CNKSR3: variants seen among roughly 807,000 people sequenced by gnomAD.
The protein encoded by CNKSR3 is connector enhancer of kinase suppressor of ras 3.
In CNKSR3, 36 loss-of-function variants were observed where a neutral mutation model predicts 67.7. That is an observed-to-expected ratio of 0.53 (90% confidence interval 0.41 to 0.70). CNKSR3 has a LOEUF of 0.70. Among genes scored for constraint, CNKSR3 ranks in the 30% least tolerant of loss-of-function variants. CNKSR3 has a pLI of 0.00. For missense variants in CNKSR3, 630 were observed against 695.2 expected (o/e 0.91, Z 1.05); for synonymous variants, 281 against 271.4 (o/e 1.04, Z -0.35).
intron 1 of CNKSR3, among the ~76,000 whole-genome samples, chr6:154,467,264 G>A (rs1204567673): frequency 6.6e-6 from 1 of 152,042 alleles, no homozygotes; most frequent in Non-Finnish European, 1.5e-5. Flanking sequence ...GCACGGCACT[G>A]CCAACAATAT....
At chr6:154,448,974 A>G (rs1489546208) in intron 2 of CNKSR3, among the ~76,000 whole-genome samples, 2 of 152,154 alleles carry the variant, frequency 1.3e-5, no homozygotes, top group African/African-American at 4.8e-5. Context: ...AGTTAAGTAA[A>G]CTGCATCTTT....
chr6:154,409,619 G>A (rs536618004), intron 12 of CNKSR3, among the ~76,000 whole-genome samples: 2 of 152,306 alleles, frequency 1.3e-5, no homozygotes, highest in South Asian at 2.1e-4. Flanking sequence ...TCAGGAAGCT[G>A]AAGTGGGAGG....
intron 2 of CNKSR3, 137 bp downstream of exon 2, chr6:154,449,958 A>G (rs903810134): frequency 3.5e-6 from 3 of 858,248 alleles, no homozygotes; most frequent in African/African-American, 3.4e-5. Flanking sequence ...CCCTTCCTAT[A>G]GTATCTTCAG....
intron 9 of CNKSR3, among the ~76,000 whole-genome samples, chr6:154,415,111 A>ACC (rs1784993357): frequency 6.6e-6 from 1 of 150,480 alleles, no homozygotes; most frequent in African/African-American, 2.4e-5. Context: ...AAAAAAAAAA[A>ACC]AAAAAAAAAA....
At chr6:154,436,531 GT>G (rs1160940094) in intron 4 of CNKSR3, among the ~76,000 whole-genome samples, 2 of 151,578 alleles carry the variant, frequency 1.3e-5, no homozygotes, top group Non-Finnish European at 2.9e-5. Flanking sequence ...TTTTTTTGTT[GT>G]TGTTAAGATA....
intron 1 of CNKSR3, among the ~76,000 whole-genome samples, chr6:154,489,534 AC>A (rs1786742256): frequency 2.2e-5 from 1 of 45,964 alleles, no homozygotes; most frequent in Non-Finnish European, 7.0e-5. Flanking sequence ...CCATCTCAAA[AC>A]AAACAAACAA....
At chr6:154,501,318 C>T (rs1407255448) in intron 1 of CNKSR3, among the ~76,000 whole-genome samples, 1 of 152,204 alleles carries the variant, frequency 6.6e-6, no homozygotes, top group Non-Finnish European at 1.5e-5. Context: ...AAAACCCTGA[C>T]TGATCTTTCA....
chr6:154,471,263 G>T (rs9383710), intron 1 of CNKSR3, among the ~76,000 whole-genome samples: 69,229 of 151,992 alleles, frequency 0.46, 17,767 homozygotes, highest in Non-Finnish European at 0.57. Flanking sequence ...TGTGTTGCTT[G>T]CCATAAATAG....
intron 9 of CNKSR3, 21 bp from the exon 10 acceptor site, chr6:154,414,444 C>CAATG: frequency 6.4e-7 from 1 of 1,569,474 alleles, no homozygotes; most frequent in Middle Eastern, 1.7e-4. Context: ...AGTAACACAG[C>CAATG]AATGCAAAGA....
chr6:154,463,063 C>T (rs1438352580), intron 1 of CNKSR3, among the ~76,000 whole-genome samples: 3 of 151,890 alleles, frequency 2.0e-5, no homozygotes, highest in African/African-American at 4.8e-5. Context: ...GTATTCTTTC[C>T]GGTGAACCTG....
chr6:154,412,672 A>C (rs562465741), intron 10 of CNKSR3, among the ~76,000 whole-genome samples: 1 of 152,326 alleles, frequency 6.6e-6, no homozygotes, highest in African/African-American at 2.4e-5. Flanking sequence ...CCAAGACTCA[A>C]GGAAATGGAA....
At chr6:154,499,895 C>A (rs1786948205) in intron 1 of CNKSR3, among the ~76,000 whole-genome samples, 1 of 152,196 alleles carries the variant, frequency 6.6e-6, no homozygotes. Flanking sequence ...CAAACCACTT[C>A]AAACCATGTG....
chr6:154,425,769 T>C (rs914472709), intron 7 of CNKSR3, among the ~76,000 whole-genome samples: 4 of 152,228 alleles, frequency 2.6e-5, no homozygotes, highest in African/African-American at 9.6e-5. Flanking sequence ...AAGTCCAAGA[T>C]TGAAGAATAT....
intron 1 of CNKSR3, among the ~76,000 whole-genome samples, chr6:154,508,994 C>A (rs934584193): frequency 1.3e-5 from 2 of 152,156 alleles, no homozygotes; most frequent in Non-Finnish European, 2.9e-5. Flanking sequence ...CTGTGATGAC[C>A]AAGGACAATA....
At chr6:154,427,118 A>G (rs1785272468) in intron 7 of CNKSR3, among the ~76,000 whole-genome samples, 1 of 152,108 alleles carries the variant, frequency 6.6e-6, no homozygotes, top group Non-Finnish European at 1.5e-5. Flanking sequence ...ACACACTACC[A>G]TTTCCTACCC....
Position 154,436,694 on chromosome 6 carries a change from G to A in CNKSR3, c.508-3187C>T, listed in dbSNP as rs184921773. ...CCAGACTGAAACTCAGCACCTGCCA[G>A]GGCCATTGTGTCTCTCTTGCCGTCT... On this transcript the variant is annotated intron_variant, in intron 4 of 12. Coordinates refer to ENST00000607772, the MANE Select transcript of CNKSR3 (RefSeq NM_173515.4). Among the ~76,000 whole-genome samples, 10 of 152,116 alleles carry A rather than the reference G, an allele frequency of 6.6e-5. No individual in the cohort carries two copies. The East Asian group carries it at 1.9e-3, about 29-fold the overall frequency.
chr6:154,407,872 GAAA>G lies in CNKSR3; in HGVS notation c.1370-1223_1370-1221del, dbSNP rs56406534. ...TAGCCTTTTTCAAATTTTAGAATTTGAAAAAAAAAAAAAAAAAAAAAAACCTAA... is the reference window on the plus strand; with the variant it reads ...TAGCCTTTTTCAAATTTTAGAATTTGAAAAAAAAAAAAAAAAAAAACCTAA... On this transcript the variant is annotated intron_variant, in intron 12 of 12. Transcript: ENST00000607772. Among the ~76,000 whole-genome samples, 510 of 68,668 alleles carry G rather than the reference GAAA, an allele frequency of 7.4e-3. 4 individuals are homozygous for G. The highest frequency in any genetic ancestry group is 0.028 in the African/African-American group (479 of 17,308). The allele number at this position is 68,668 out of a possible 152,430, so 45.0% of individuals were successfully genotyped here.
intron 9 of CNKSR3, 42 bp from the exon 10 acceptor site, chr6:154,414,465 A>T: frequency 6.4e-7 from 1 of 1,556,772 alleles, no homozygotes; most frequent in South Asian, 1.2e-5. Context: ...GTGGAGATCA[A>T]TTCAGAGATG....
At chr6:154,442,377 C>T in intron 2 of CNKSR3, 87 bp from the exon 3 acceptor site, 1 of 1,117,650 alleles carries the variant, frequency 8.9e-7, no homozygotes, top group Non-Finnish European at 1.3e-6. Context: ...AATCCTAGCA[C>T]TTTGGGAGGC....
Sources: allele counts gnomAD v4.1 joint callset (sites outside exome capture counted in the v4.1 genomes callset), GRCh38; gene constraint gnomAD v4.1.1; transcripts MANE v1.5; gene names NCBI Gene and HGNC (gene_info 2026-07-23, HGNC 2026-07-21).